Variants in COTL1 observed in about 807,000 individuals in gnomAD.
The protein encoded by COTL1 is coactosin like F-actin binding protein 1.
In COTL1, 15 loss-of-function variants were observed where a neutral mutation model predicts 16.5. That is an observed-to-expected ratio of 0.91 (90% CI 0.61 to 1.40). COTL1 has a LOEUF of 1.40. Among genes scored for constraint, COTL1 ranks in the 40% most tolerant of loss-of-function variants. The pLI, the probability that COTL1 is intolerant of heterozygous loss-of-function variation, is 0.00. For synonymous variants in COTL1, 112 were observed against 85.3 expected, an observed-to-expected ratio of 1.31 and a Z score of -1.73; for missense variants, 220 against 201.5, an observed-to-expected ratio of 1.09 and a Z score of -0.56.
At chr16:84,581,733 G>A (rs972146708) in intron 3 of COTL1, among the ~76,000 whole-genome samples, 1 of 152,238 alleles carries the variant, frequency 6.6e-6, no homozygotes, top group South Asian at 2.1e-4. Context: ...TCGAACTCCT[G>A]ACCTCAGGTG....
In COTL1 at chr16:84,566,138, A is replaced by T. The variant is rs1904297273; in HGVS notation, c.*707T>A. On this transcript the variant is annotated 3_prime_UTR_variant, in exon 4 of 4. Coordinates refer to ENST00000262428, the MANE Select transcript of COTL1 (RefSeq NM_021149.5). ...AGAGGGTGGGAACAGGTGGTTTCAG[A>T]CCGTGCAGCAAAGCCACTGCCAGGT... The T allele has an allele frequency of 6.5e-6, 1 of 152,756 alleles. No homozygotes were observed. The highest frequency in any genetic ancestry group is 1.5e-5 in the Non-Finnish European group (1 of 68,136). 9.5% of individuals were successfully genotyped at this position (152,756 alleles called of 1,614,324 possible).
intron 2 of COTL1, among the ~76,000 whole-genome samples, chr16:84,613,714 G>A (rs547913037): frequency 6.6e-6 from 1 of 152,364 alleles, no homozygotes; most frequent in South Asian, 2.1e-4. Flanking sequence ...TTGCTATGAA[G>A]AGGAAAGCAG....
At chr16:84,584,414 C>G (rs1462735841) in intron 3 of COTL1, among the ~76,000 whole-genome samples, 1 of 152,264 alleles carries the variant, frequency 6.6e-6, no homozygotes, top group African/African-American at 2.4e-5. Context: ...AGCCCCAGCT[C>G]TATCACTCAT....
Position 84,617,815 on chromosome 16 carries a change from G to A in COTL1, c.77+23C>T, listed in dbSNP as rs370872374. On this transcript the variant is annotated intron_variant, in intron 1 of 3. Transcript: ENST00000262428. ...CGCGCGAGCCCGGGGAGCGGGGCGT[G>A]GAGACGAATGAAAAGTTCCTACCAG... 18 of 1,561,396 alleles carry A rather than the reference G, an allele frequency of 1.2e-5. No homozygotes were observed. The African/African-American group carries it at 1.5e-4, about 13-fold the overall frequency.
At chr16:84,602,770 G>T (rs1261311711) in intron 2 of COTL1, among the ~76,000 whole-genome samples, 2 of 151,794 alleles carry the variant, frequency 1.3e-5, no homozygotes, top group East Asian at 3.9e-4. Context: ...TAGGAGAATT[G>T]CTTGAGTCCA....
At chr16:84,612,610 C>G (rs113222127) in intron 2 of COTL1, among the ~76,000 whole-genome samples, 1 of 152,138 alleles carries the variant, frequency 6.6e-6, no homozygotes, top group African/African-American at 2.4e-5. Flanking sequence ...TGGTGAAACC[C>G]CGTCTCTACT....
intron 3 of COTL1, among the ~76,000 whole-genome samples, chr16:84,579,962 G>T (rs965505428): frequency 6.6e-6 from 1 of 152,238 alleles, no homozygotes; most frequent in African/African-American, 2.4e-5. Context: ...ACCTGTACAC[G>T]TTCGAATGCT....
At chr16:84,615,555 A>C (rs1905453169) in intron 2 of COTL1, among the ~76,000 whole-genome samples, 1 of 152,170 alleles carries the variant, frequency 6.6e-6, no homozygotes, top group Non-Finnish European at 1.5e-5. Context: ...GGGAGGAAAG[A>C]AGCTGAATTT....
chr16:84,597,048 A>G (rs1221864999), intron 2 of COTL1, among the ~76,000 whole-genome samples: 1 of 152,204 alleles, frequency 6.6e-6, no homozygotes, highest in Non-Finnish European at 1.5e-5. Context: ...CCTTCTAGCT[A>G]TGGAACATCA....
intron 2 of COTL1, among the ~76,000 whole-genome samples, chr16:84,612,383 T>G (rs1272841375): frequency 6.6e-6 from 1 of 152,252 alleles, no homozygotes; most frequent in African/African-American, 2.4e-5. Flanking sequence ...AAATGCCTAT[T>G]GCATACCAGC....
intron 3 of COTL1, among the ~76,000 whole-genome samples, chr16:84,581,637 G>A (rs1177352362): frequency 6.6e-6 from 1 of 152,102 alleles, no homozygotes; most frequent in Non-Finnish European, 1.5e-5. Context: ...CGGAGTAGCT[G>A]GGATTACAGG....
intron 2 of COTL1, among the ~76,000 whole-genome samples, chr16:84,591,893 C>G (rs1477959767): frequency 7.7e-6 from 1 of 129,166 alleles, no homozygotes; most frequent in South Asian, 2.3e-4. Flanking sequence ...TATGTGCGTG[C>G]ATGTGTATGT....
intron 3 of COTL1, chr16:84,575,314 A>C (rs1333011892): frequency 2.0e-5 from 3 of 152,120 alleles, no homozygotes; most frequent in African/African-American, 4.8e-5. Flanking sequence ...CTGGGATTAC[A>C]GGGGTGAGTC....
chr16:84,615,580 G>C (rs61409560), intron 2 of COTL1, among the ~76,000 whole-genome samples: 3,916 of 152,282 alleles, frequency 0.026, 133 homozygotes, highest in African/African-American at 0.067. Context: ...AGGGAAGCTG[G>C]TCTGTAAAGC....
intron 2 of COTL1, among the ~76,000 whole-genome samples, chr16:84,606,118 T>C (rs1905206634): frequency 6.6e-6 from 1 of 152,248 alleles, no homozygotes; most frequent in Non-Finnish European, 1.5e-5. Context: ...TGACGTGCCA[T>C]GCCTGCCTTC....
intron 3 of COTL1, among the ~76,000 whole-genome samples, chr16:84,589,803 C>G (rs1015874697): frequency 9.2e-5 from 14 of 152,028 alleles, no homozygotes; most frequent in African/African-American, 3.4e-4. Flanking sequence ...TTCTGGTCCC[C>G]CCACCAGTTC....
At chr16:84,593,124 G>A (rs888521456) in intron 2 of COTL1, among the ~76,000 whole-genome samples, 2 of 152,244 alleles carry the variant, frequency 1.3e-5, no homozygotes, top group African/African-American at 4.8e-5. Context: ...CAGAGGCCAC[G>A]TGATGTGGCC....
intron 2 of COTL1, among the ~76,000 whole-genome samples, chr16:84,599,910 C>A (rs1229544891): frequency 6.6e-6 from 1 of 152,192 alleles, no homozygotes; most frequent in Non-Finnish European, 1.5e-5. Context: ...GCCATGGCAG[C>A]GGCTGGCTTC....
At chr16:84,615,863 G>GTGTGTGTC (rs1905465312) in intron 2 of COTL1, 1 of 151,400 alleles carries the variant, frequency 6.6e-6, no homozygotes, top group African/African-American at 2.4e-5. Flanking sequence ...TTGTGTGTGT[G>GTGTGTGTC]TGTGTGTGTG....
Sources: gnomAD v4.1 joint callset for allele counts (sites outside exome capture counted in the v4.1 genomes callset) on GRCh38, gnomAD v4.1.1 for gene constraint, MANE v1.5 for transcripts, NCBI Gene and HGNC (gene_info 2026-07-23, HGNC 2026-07-21) for gene names.